Variants in KCTD16 observed in about 807,000 individuals in gnomAD.
The protein encoded by KCTD16 is BTB/POZ domain-containing protein KCTD16.
Under a neutral mutation model 33.2 loss-of-function variants are expected in KCTD16, and 13 were observed. The observed-to-expected ratio is 0.39, with a 90% CI of 0.25 to 0.62. The LOEUF (loss-of-function observed/expected upper bound fraction) is 0.62, where lower values mean the gene tolerates loss of function less well. KCTD16 is among the 20% of genes least tolerant of loss of function. The pLI is 0.50. For missense variants in KCTD16, 441 were observed against 525.1 expected, an observed-to-expected ratio of 0.84 and a Z score of 1.57; for synonymous variants, 197 against 195.3, an observed-to-expected ratio of 1.01 and a Z score of -0.07.
chr5:144,342,034 T>C (rs1448196352), intron 3 of KCTD16, among the ~76,000 whole-genome samples: 1 of 152,232 alleles, frequency 6.6e-6, no homozygotes. Context: ...TTTATTATGT[T>C]AAAAAGTTTA....
At chr5:144,386,068 A>C (rs934913082) in intron 3 of KCTD16, among the ~76,000 whole-genome samples, 7 of 152,206 alleles carry the variant, frequency 4.6e-5, no homozygotes, top group Non-Finnish European at 1.0e-4. Flanking sequence ...ATTTCCAGAA[A>C]TGTGTAAAGA....
intron 3 of KCTD16, among the ~76,000 whole-genome samples, chr5:144,346,547 G>A (rs186305963): frequency 1.1e-3 from 160 of 152,134 alleles, no homozygotes; most frequent in African/African-American, 3.0e-3. Flanking sequence ...TTGAATATAA[G>A]CCATTTTAAC....
chr5:144,172,406 T>G (rs1177966575), intron 1 of KCTD16, among the ~76,000 whole-genome samples: 1 of 152,262 alleles, frequency 6.6e-6, no homozygotes, highest in Non-Finnish European at 1.5e-5. Flanking sequence ...TTGTCATTGC[T>G]TTGTGTAGAG....
chr5:144,399,613 AGCT>A (rs1752657462), intron 3 of KCTD16, among the ~76,000 whole-genome samples: 4 of 152,216 alleles, frequency 2.6e-5, no homozygotes, highest in Non-Finnish European at 4.4e-5. Context: ...TTTCATTGAT[AGCT>A]AGTCTAGTCC....
chr5:144,403,505 T>C (rs1398589329), intron 3 of KCTD16, among the ~76,000 whole-genome samples: 2 of 151,604 alleles, frequency 1.3e-5, no homozygotes, highest in Admixed American at 1.3e-4. Context: ...AAGCCAGGGA[T>C]TGCCAGTAAC....
chr5:144,208,961 T>C (rs561404352), intron 3 of KCTD16, among the ~76,000 whole-genome samples: 16 of 152,224 alleles, frequency 1.1e-4, no homozygotes, highest in Non-Finnish European at 2.2e-4. Flanking sequence ...TTCCTTTTGG[T>C]AAATTTCCCA....
At chr5:144,208,427 G>A (rs879717) in intron 3 of KCTD16, among the ~76,000 whole-genome samples, 57,805 of 152,022 alleles carry the variant, frequency 0.38, 11,508 homozygotes, top group African/African-American at 0.49. Flanking sequence ...ACTATAAACT[G>A]TGAGCCATTG....
At chr5:144,439,305 A>ATG in intron 3 of KCTD16, 1 of 475,380 alleles carries the variant, frequency 2.1e-6, no homozygotes, top group East Asian at 5.8e-5. Context: ...GCTGGTCCCT[A>ATG]AAACCCACTT....
chr5:144,191,055 C>T (rs557360699), intron 2 of KCTD16, among the ~76,000 whole-genome samples: 44 of 152,310 alleles, frequency 2.9e-4, no homozygotes, highest in Non-Finnish European at 5.6e-4. Flanking sequence ...AATAGAGCAG[C>T]TTTTATCTTT....
chr5:144,216,833 G>C (rs1283051831), intron 3 of KCTD16, among the ~76,000 whole-genome samples: 1 of 147,936 alleles, frequency 6.8e-6, no homozygotes, highest in African/African-American at 2.6e-5. Context: ...CACAGAGGGA[G>C]ACTCTGTCTG....
chr5:144,198,003 T>G (rs1031519194), intron 2 of KCTD16, among the ~76,000 whole-genome samples: 1 of 152,178 alleles, frequency 6.6e-6, no homozygotes. Context: ...CCATTCCAAT[T>G]TGACCCCACA....
chr5:144,485,299 A>C lies in KCTD16; in HGVS notation c.*11185A>C, dbSNP rs1754782168. 1 of 151,898 alleles carries C rather than the reference A, an allele frequency of 6.6e-6. No homozygotes were observed. Among genetic ancestry groups the C allele is most frequent in the Admixed American group, 6.6e-5 (1 of 15,218 alleles). 9.4% of individuals were successfully genotyped at this position (151,898 alleles called of 1,614,324 possible). On this transcript the variant is annotated 3_prime_UTR_variant, in exon 4 of 4. Transcript: ENST00000512467. ...ATGGAACAGCCCTGAGCAACATATA[A>C]ATATATACATACATATCTATGTATG... is the stretch of plus-strand genomic sequence containing the variant.
chr5:144,452,578 C>T (rs888923549), intron 3 of KCTD16, among the ~76,000 whole-genome samples: 2 of 151,222 alleles, frequency 1.3e-5, no homozygotes, highest in East Asian at 1.9e-4. Context: ...AAAATATGGA[C>T]GGGAAAGAGC....
chr5:144,337,504 T>C lies in KCTD16; in HGVS notation c.832+129958T>C, dbSNP rs1443459307. On this transcript the variant is annotated intron_variant, in intron 3 of 3. Transcript: ENST00000512467. The stretch of plus-strand genomic sequence containing the variant: ...GATTGGTAGGAAGCATAAACATTTT[T>C]CCAAGAATTTACTTAATGTGATGTA... Among the ~76,000 whole-genome samples the C allele has an allele frequency of 2.0e-5, 3 of 152,328 alleles. No individual in the cohort carries two copies. The East Asian group carries it at 5.8e-4, about 29-fold the overall frequency.
intron 2 of KCTD16, among the ~76,000 whole-genome samples, chr5:144,197,755 C>T (rs999678816): frequency 1.3e-5 from 2 of 152,164 alleles, no homozygotes; most frequent in African/African-American, 4.8e-5. Flanking sequence ...GTTACTTAAC[C>T]TCTTGGAGGC....
intron 3 of KCTD16, among the ~76,000 whole-genome samples, chr5:144,215,876 A>G (rs1170575283): frequency 6.6e-6 from 1 of 152,248 alleles, no homozygotes; most frequent in Non-Finnish European, 1.5e-5. Flanking sequence ...ACAAAAATAT[A>G]CAGAAGTCAC....
At chr5:144,277,801 C>G (rs1229869623) in intron 3 of KCTD16, among the ~76,000 whole-genome samples, 1 of 152,052 alleles carries the variant, frequency 6.6e-6, no homozygotes, top group Non-Finnish European at 1.5e-5. Context: ...CTTTCATGTA[C>G]TTCTTTGCCA....
At chr5:144,426,801 C>A (rs1028223523) in intron 3 of KCTD16, among the ~76,000 whole-genome samples, 2 of 152,014 alleles carry the variant, frequency 1.3e-5, no homozygotes, top group African/African-American at 4.8e-5. Flanking sequence ...GAGCCCACTC[C>A]TATGGTAACT....
intron 3 of KCTD16, among the ~76,000 whole-genome samples, chr5:144,358,182 C>T (rs76685114): frequency 0.01 from 1,534 of 149,314 alleles, 13 homozygotes; most frequent in Non-Finnish European, 0.015. Flanking sequence ...GATCCTGCAG[C>T]CTTGGCCTCC....
Sources: gnomAD v4.1 joint callset for allele counts (sites outside exome capture counted in the v4.1 genomes callset) on GRCh38, gnomAD v4.1.1 for gene constraint, MANE v1.5 for transcripts, NCBI Gene and HGNC (gene_info 2026-07-23, HGNC 2026-07-21) for gene names.